Variants in MBOAT2 observed in about 807,000 individuals in gnomAD.
MBOAT2 encodes membrane-bound glycerophospholipid O-acyltransferase 2.
A neutral mutation model predicts 63.4 loss-of-function variants in MBOAT2; 28 were observed. That is an observed-to-expected ratio of 0.44 (90% CI 0.33 to 0.61). The LOEUF is 0.61. Ranked by LOEUF, MBOAT2 falls within the 20% of genes least tolerant of loss-of-function variation. MBOAT2 has a pLI of 0.03. For missense variants in MBOAT2, 470 were observed against 605.8 expected (o/e 0.78, Z 2.35); for synonymous variants, 211 against 215.6 (o/e 0.98, Z 0.19).
At chr2:8,974,673 C>T (rs745396319) in intron 1 of MBOAT2, among the ~76,000 whole-genome samples, 1 of 152,146 alleles carries the variant, frequency 6.6e-6, no homozygotes, top group Non-Finnish European at 1.5e-5. Context: ...ATGTACCTAT[C>T]TCCCTTGATA....
At chr2:8,927,480 A>G (rs540910127) in intron 3 of MBOAT2, among the ~76,000 whole-genome samples, 1 of 152,312 alleles carries the variant, frequency 6.6e-6, no homozygotes, top group East Asian at 1.9e-4. Context: ...AAAACTGAAG[A>G]CTTAAGTGAG....
Position 8,888,080 on chromosome 2 carries a change from C to G in MBOAT2, c.396-7G>C, listed in dbSNP as rs761960927. ...AGTAATGATCATCATTGGGCTGTGA[C>G]AAGATAAAAAAAATTAGTGTTTTAA... is the stretch of plus-strand genomic sequence containing the variant. On this transcript the variant is annotated splice_polypyrimidine_tract_variant and splice_region_variant and intron_variant, in intron 4 of 12. Transcript: ENST00000305997. The G allele has an allele frequency of 1.7e-5, 27 of 1,606,244 alleles. No homozygotes were observed. Among genetic ancestry groups the G allele is most frequent in the Non-Finnish European group, 2.2e-5 (26 of 1,176,704 alleles).
At chr2:8,860,793 G>A (rs371449662) in intron 11 of MBOAT2, 29 bp from the exon 12 acceptor site, 80 of 1,518,054 alleles carry the variant, frequency 5.3e-5, no homozygotes, top group Non-Finnish European at 4.5e-6. Context: ...AACATTTGCT[G>A]TATCTTTAAA....
chr2:8,920,481 A>T (rs62104428), intron 3 of MBOAT2, among the ~76,000 whole-genome samples: 15,664 of 152,060 alleles, frequency 0.1, 948 homozygotes, highest in African/African-American at 0.17. Flanking sequence ...ACTCTGTTAT[A>T]CTTTTTCAAA....
At chr2:8,963,406 T>A (rs1191956208) in intron 1 of MBOAT2, among the ~76,000 whole-genome samples, 3 of 152,068 alleles carry the variant, frequency 2.0e-5, no homozygotes, top group African/African-American at 7.2e-5. Context: ...CGGGTTCAAG[T>A]GATTCTCCTG....
intron 9 of MBOAT2, among the ~76,000 whole-genome samples, chr2:8,865,960 C>T (rs1661852639): frequency 6.6e-6 from 1 of 152,128 alleles, no homozygotes; most frequent in Non-Finnish European, 1.5e-5. Flanking sequence ...TCGCTTGAAC[C>T]CGGGAGGCAG....
rs1046983853 is a variant in MBOAT2 at position 8,853,280 on chromosome 2, T to C, written c.*5399A>G. 9 of 152,250 alleles carry C rather than the reference T, an allele frequency of 5.9e-5. No homozygotes were observed. Among genetic ancestry groups the C allele is most frequent in the African/African-American group, 1.9e-4 (8 of 41,464 alleles). 9.4% of individuals were successfully genotyped at this position (152,250 alleles called of 1,614,324 possible). On this transcript the variant is annotated 3_prime_UTR_variant, in exon 13 of 13. Coordinates refer to ENST00000305997, the MANE Select transcript of MBOAT2 (RefSeq NM_138799.4). ...GGACAAGACTGGTTTGGAACACATT[T>C]GTGTTCAATGTTTGATTCCTTTTTC...
chr2:8,894,965 C>A (rs1047431218), intron 4 of MBOAT2, among the ~76,000 whole-genome samples: 1 of 151,686 alleles, frequency 6.6e-6, no homozygotes, highest in South Asian at 2.1e-4. Flanking sequence ...AAAGGCGGCA[C>A]GTCCGGAGTT....
At chr2:8,909,184 T>C (rs903061716) in intron 3 of MBOAT2, among the ~76,000 whole-genome samples, 12 of 152,220 alleles carry the variant, frequency 7.9e-5, no homozygotes, top group Non-Finnish European at 1.6e-4. Context: ...TTCATAGCCA[T>C]GAACACTTAC....
chr2:8,928,740 T>C (rs1342630151), intron 3 of MBOAT2, among the ~76,000 whole-genome samples: 1 of 152,178 alleles, frequency 6.6e-6, no homozygotes, highest in African/African-American at 2.4e-5. Context: ...TCTGACTTAA[T>C]AGTAGACCAA....
At chr2:8,944,412 T>A (rs1363711423) in intron 2 of MBOAT2, among the ~76,000 whole-genome samples, 1 of 152,210 alleles carries the variant, frequency 6.6e-6, no homozygotes, top group Admixed American at 6.5e-5. Context: ...GTACTTTATT[T>A]TTTTTCTTGA....
rs780845203 is a variant in MBOAT2 at position 8,943,281 on chromosome 2, C to A, written c.222-17G>T. On this transcript the variant is annotated splice_polypyrimidine_tract_variant and intron_variant, in intron 2 of 12. Coordinates refer to ENST00000305997, the MANE Select transcript of MBOAT2 (RefSeq NM_138799.4). ...AAGGCATACCTATAAAAAGTAAGAGCACTATTAGAAGAGGGATGCCAAGTC... is the reference window on the plus strand; with the variant it reads ...AAGGCATACCTATAAAAAGTAAGAGAACTATTAGAAGAGGGATGCCAAGTC... 1 of 1,498,788 alleles carries A rather than the reference C, an allele frequency of 6.7e-7. No individual in the cohort carries two copies. The highest frequency in any genetic ancestry group is 9.1e-7 in the Non-Finnish European group (1 of 1,101,760). The allele number at this position is 1,498,788 out of a possible 1,614,324, so 92.8% of individuals were successfully genotyped here.
rs142761823 is a variant in MBOAT2, at chr2:8,880,621, G to C, written c.506+1890C>G. ...TCAAGCCAATGGATGTGACCACCTGGAGAAAACGAAGTCCAGGGCTGAGGC... is the reference window on the plus strand; with the variant it reads ...TCAAGCCAATGGATGTGACCACCTGCAGAAAACGAAGTCCAGGGCTGAGGC... On this transcript the variant is annotated intron_variant, in intron 6 of 12. Transcript: ENST00000305997. 3.9e-5 allele frequency among the ~76,000 whole-genome samples: 6 copies of C among 152,338 alleles called. No homozygotes were observed. In the East Asian group the frequency reaches 9.6e-4, roughly 24 times the overall value.
At chr2:8,979,642 C>T (rs1310197434) in intron 1 of MBOAT2, among the ~76,000 whole-genome samples, 2 of 152,036 alleles carry the variant, frequency 1.3e-5, no homozygotes, top group African/African-American at 4.8e-5. Context: ...GGGGGTACTG[C>T]CAATATGTGT....
chr2:8,982,950 C>A (rs144691080), intron 1 of MBOAT2, among the ~76,000 whole-genome samples: 166 of 152,236 alleles, frequency 1.1e-3, no homozygotes, highest in Middle Eastern at 6.8e-3. Context: ...CACTGTATCA[C>A]ACTGTTTTGA....
At chr2:8,987,181 T>A (rs1447018488) in intron 1 of MBOAT2, among the ~76,000 whole-genome samples, 1 of 152,198 alleles carries the variant, frequency 6.6e-6, no homozygotes, top group Non-Finnish European at 1.5e-5. Context: ...AGCTGTACTA[T>A]CTTCACAACT....
intron 3 of MBOAT2, among the ~76,000 whole-genome samples, chr2:8,922,537 G>T (rs567529579): frequency 2.0e-5 from 3 of 152,160 alleles, no homozygotes; most frequent in African/African-American, 2.4e-5. Flanking sequence ...TGCAGCAGCT[G>T]ATGTCTCTAC....
intron 1 of MBOAT2, among the ~76,000 whole-genome samples, chr2:8,971,420 G>A (rs1670445047): frequency 6.6e-6 from 1 of 152,156 alleles, no homozygotes; most frequent in Non-Finnish European, 1.5e-5. Flanking sequence ...ATACTGAATG[G>A]ACAAAAACTG....
chr2:8,907,819 CTT>C (rs777809639), intron 4 of MBOAT2, among the ~76,000 whole-genome samples: 18 of 152,216 alleles, frequency 1.2e-4, no homozygotes, highest in Non-Finnish European at 2.4e-4. Flanking sequence ...CTAAAACTCT[CTT>C]GTTTTATAGA....
Sources: gnomAD v4.1 joint callset for allele counts (sites outside exome capture counted in the v4.1 genomes callset) on GRCh38, gnomAD v4.1.1 for gene constraint, MANE v1.5 for transcripts, NCBI Gene and HGNC (gene_info 2026-07-23, HGNC 2026-07-21) for gene names.